TYK2: variants seen among roughly 807,000 people sequenced by gnomAD.
TYK2 encodes non-receptor tyrosine-protein kinase TYK2.
In TYK2, 65 loss-of-function variants were observed where a neutral mutation model predicts 130.9. That is an observed-to-expected ratio of 0.50 (90% CI 0.41 to 0.61). The LOEUF (loss-of-function observed/expected upper bound fraction) is 0.61. TYK2 is among the 20% of genes least tolerant of loss of function. The probability of loss-of-function intolerance (pLI) is 0.00; values close to 1 mark genes in which losing one functional copy is unlikely to be tolerated. For missense variants in TYK2, 1,378 were observed against 1,610.7 expected, an observed-to-expected ratio of 0.86 and a Z score of 2.47; for synonymous variants, 647 against 658.9, an observed-to-expected ratio of 0.98 and a Z score of 0.28.
Position 10,356,634 on chromosome 19 carries a change from A to G in TYK2, c.2551T>C (p.Tyr851His). 6.2e-7 allele frequency: 1 copy of G among 1,613,724 alleles called. No individual in the cohort carries two copies. Reference protein sequence around the residue: ...LATLTSQCLTYEPTQRPSFRT... With the variant: ...LATLTSQCLTHEPTQRPSFRT... ...AATGATGGCCTCTGGGTTGGCTCAT[A>G]GGTCAGACACTGGCTGGTGAGTGTG... Residue 851 changes from tyrosine (Y) to histidine (H), a missense_variant, in exon 18 of 25, where the codon TAT (tyrosine) becomes CAT (histidine). By Grantham distance (83) the Tyr-to-His change is moderately conservative. Coordinates refer to ENST00000525621, the MANE Select transcript of TYK2 (RefSeq NM_003331.5).
Position 10,361,609 on chromosome 19 carries a change from C to T in TYK2, c.1960-11G>A, listed in dbSNP as rs761206468. The T allele has an allele frequency of 4.8e-5, 75 of 1,548,946 alleles. 1 individual carries two copies. The highest frequency in any genetic ancestry group is 4.2e-4 in the South Asian group (36 of 84,800). ...TGTCTCGTAGAAGGCCTGTGGGGAC[C>T]GGGCAGGTCAGGTGGCTGCAAAGCC... On this transcript the variant is annotated splice_polypyrimidine_tract_variant and intron_variant, in intron 13 of 24. Coordinates refer to ENST00000525621, the MANE Select transcript of TYK2 (RefSeq NM_003331.5). This position sits in a 1 kb window ranked among gnomAD's most constrained non-coding sequence, Gnocchi z 4.0.
chr19:10,365,682 C>G lies in TYK2; in HGVS notation c.846G>C (p.Leu282=). 6.2e-7 allele frequency: 1 copy of G among 1,613,298 alleles called. No individual in the cohort carries two copies. Among genetic ancestry groups the G allele is most frequent in the South Asian group, 1.1e-5 (1 of 91,058 alleles). The stretch of plus-strand genomic sequence containing the variant: ...AGGGCTCCCCCTCGGCCTGGGCCAG[C>G]AGCCTCAGGTGGCACACGGGCACAC... ...TERVPVCHLR[L]LAQAEGEPCY... The change falls in exon 7 of 25, where the codon CTG becomes CTC. Residue 282 remains leucine, a synonymous_variant. Transcript: ENST00000525621.
chr19:10,359,323 T>TG (rs1360551752), intron 14 of TYK2, 21 bp from the exon 15 acceptor site: 1 of 1,608,086 alleles, frequency 6.2e-7, no homozygotes, highest in Non-Finnish European at 8.5e-7. Flanking sequence ...ACAGCTGCTC[T>TG]GGGGCAACCT....
Position 10,361,396 on chromosome 19 carries a change from T to C in TYK2, c.2047+115A>G, listed in dbSNP as rs1325054930. 1.9e-6 allele frequency: 2 copies of C among 1,028,592 alleles called. No homozygotes were observed. Among genetic ancestry groups the C allele is most frequent in the South Asian group, 1.4e-5 (1 of 73,012 alleles). 63.7% of individuals were successfully genotyped at this position (1,028,592 alleles called of 1,614,324 possible). On this transcript the variant is annotated intron_variant, in intron 14 of 24. Coordinates refer to ENST00000525621, the MANE Select transcript of TYK2 (RefSeq NM_003331.5). The surrounding 1 kb of genome is among the most constrained non-coding windows in gnomAD (Gnocchi z 4.0). Reference sequence around the variant, plus strand: ...CCCGGGATCAGAGTACAGGTGAGAGTTGAGAAATAGGCATAGGTTGGGGTG... The same window carrying C: ...CCCGGGATCAGAGTACAGGTGAGAGCTGAGAAATAGGCATAGGTTGGGGTG...
At chr19:10,358,252 G>A (rs575272862) in intron 15 of TYK2, 114 bp from the exon 16 acceptor site, 1 of 1,070,242 alleles carries the variant, frequency 9.3e-7, no homozygotes, top group South Asian at 1.8e-5. Context: ...ACTATCACTG[G>A]GTTTCTTTCT....
rs56305444 is a variant in TYK2 at position 10,365,344 on chromosome 19, G to T, written c.1011+173C>A. ...ACCCCAGAAATAAGGTCCCCAGGGG[G>T]TAAGCAGATGGAGGACCTTCTCCAA... On this transcript the variant is annotated intron_variant, in intron 7 of 24. Coordinates refer to ENST00000525621, the MANE Select transcript of TYK2 (RefSeq NM_003331.5). Among the ~76,000 whole-genome samples the T allele has an allele frequency of 2.6e-5, 4 of 152,292 alleles. No homozygotes were observed. The East Asian group carries it at 7.7e-4, about 29-fold the overall frequency.
In TYK2 at chr19:10,350,668, A is replaced by G; in HGVS notation, c.*166T>C. ...GATCATGGTTAGGCTCACGGCCAAGAAAGAAAAATAAGTTCACAGAGGTGG... is the reference window on the plus strand; with the variant it reads ...GATCATGGTTAGGCTCACGGCCAAGGAAGAAAAATAAGTTCACAGAGGTGG... On this transcript the variant is annotated 3_prime_UTR_variant, in exon 25 of 25. Transcript: ENST00000525621. 1.3e-6 allele frequency: 1 copy of G among 789,404 alleles called. No individual in the cohort carries two copies. The highest frequency in any genetic ancestry group is 2.0e-6 in the Non-Finnish European group (1 of 505,644). 48.9% of individuals were successfully genotyped at this position (789,404 alleles called of 1,614,324 possible). A position where few individuals can be genotyped will look rare whatever the true frequency, so the allele number is the denominator to read the frequency against.
rs925342176 is a variant in TYK2, at chr19:10,354,619, T to C, written c.2618-10A>G. The C allele has an allele frequency of 5.6e-6, 9 of 1,611,962 alleles. No individual in the cohort carries two copies. Among genetic ancestry groups the C allele is most frequent in the South Asian group, 3.3e-5 (3 of 91,012 alleles). ...AAGACGTCAGCAAGATCTGGAAGAGTTGCGGTGGGTAAAGGCCTGACCCCG... is the reference window on the plus strand; with the variant it reads ...AAGACGTCAGCAAGATCTGGAAGAGCTGCGGTGGGTAAAGGCCTGACCCCG... On this transcript the variant is annotated splice_polypyrimidine_tract_variant and intron_variant, in intron 18 of 24. Transcript: ENST00000525621.
chr19:10,367,919 CAAA>C (rs34301809), intron 5 of TYK2, 133 bp downstream of exon 5: 1,128 of 875,892 alleles, frequency 1.3e-3, no homozygotes, highest in Middle Eastern at 2.9e-3. Flanking sequence ...GACTCCGTCT[CAAA>C]AAAAAAAAAA....
chr19:10,377,400 GTGGATGGATGGATGGATGGA>G (rs766675211), intron 3 of TYK2, among the ~76,000 whole-genome samples: 1 of 105,342 alleles, frequency 9.5e-6, no homozygotes, highest in Non-Finnish European at 1.9e-5. Context: ...GGGTGGGTGG[GTGGATGGATGGATGGATGGA>G]TGGATGGATG....
chr19:10,356,739 A>G (rs760356637), intron 17 of TYK2, 21 bp from the exon 18 acceptor site: 1 of 1,588,348 alleles, frequency 6.3e-7, no homozygotes, highest in South Asian at 1.1e-5. Context: ...AGGGACCCAG[A>G]GGAGTCAACA....
chr19:10,352,915 C>T lies in TYK2; in HGVS notation c.3200+11G>A, dbSNP rs2040885202. 6.2e-7 allele frequency: 1 copy of T among 1,603,112 alleles called. No homozygotes were observed. The highest frequency in any genetic ancestry group is 8.5e-7 in the Non-Finnish European group (1 of 1,175,906). ...CCCAGCACCCCCTCAGACTGCACCC[C>T]GCCTGGTCACCAGAACACGGGGCTG... On this transcript the variant is annotated intron_variant, in intron 22 of 24. Coordinates refer to ENST00000525621, the MANE Select transcript of TYK2 (RefSeq NM_003331.5).
rs1057379414 is a variant in TYK2, at chr19:10,370,909, G to A, written c.194-2491C>T. Reference sequence around the variant, plus strand: ...TCCCAGCACTTTGGGAGGCTAAGGCGGGAGAATCACTTGAACCTAGGAGTT... The same window carrying A: ...TCCCAGCACTTTGGGAGGCTAAGGCAGGAGAATCACTTGAACCTAGGAGTT... On this transcript the variant is annotated intron_variant, in intron 3 of 24. Coordinates refer to ENST00000525621, the MANE Select transcript of TYK2 (RefSeq NM_003331.5). Among the ~76,000 whole-genome samples, 16 of 151,518 alleles carry A rather than the reference G, an allele frequency of 1.1e-4. No individual in the cohort carries two copies. In the South Asian group the frequency reaches 1.9e-3, roughly 18 times the overall value.
chr19:10,360,353 C>T (rs1383267472), intron 14 of TYK2, among the ~76,000 whole-genome samples: 1 of 151,752 alleles, frequency 6.6e-6, no homozygotes, highest in East Asian at 1.9e-4. Flanking sequence ...AAAAATCAGC[C>T]GGGTGTGATA....
Position 10,357,784 on chromosome 19 carries a change from G to A in TYK2, c.2446C>T (p.Gln816Ter). Residue 816 changes from glutamine to a stop codon, truncating the protein, a stop_gained, in exon 17 of 25, where the codon CAG becomes TAG. Coordinates refer to ENST00000525621, the MANE Select transcript of TYK2 (RefSeq NM_003331.5). LOFTEE classifies it high-confidence loss of function. The stretch of plus-strand genomic sequence containing the variant: ...CATACCTCGGAGGGACTGCGGCTCT[G>A]CAGAGGGGCCTCTCCGTCAAAGCAG... ...EICFDGEAPL[Q>*]SRSPSEKEHF... is the part of the protein sequence containing the mutation. 3 of 1,612,430 alleles carry A rather than the reference G, an allele frequency of 1.9e-6. No homozygotes were observed. The highest frequency in any genetic ancestry group is 2.5e-6 in the Non-Finnish European group (3 of 1,179,480).
rs1190382962 is a variant in TYK2 at position 10,361,442 on chromosome 19, A to G, written c.2047+69T>C. On this transcript the variant is annotated intron_variant, in intron 14 of 24. Coordinates refer to ENST00000525621, the MANE Select transcript of TYK2 (RefSeq NM_003331.5). This position sits in a 1 kb window ranked among gnomAD's most constrained non-coding sequence, Gnocchi z 4.0. ...GGGTGTAGGTCGAGGGTTGGGGTAC[A>G]GATCAGGGAGTGGGTATAAGTCAGG... The G allele has an allele frequency of 6.6e-6, 9 of 1,366,846 alleles. No homozygotes were observed. The highest frequency in any genetic ancestry group is 1.5e-5 in the African/African-American group (1 of 67,344). 84.7% of individuals were successfully genotyped at this position (1,366,846 alleles called of 1,614,324 possible).
intron 14 of TYK2, 55 bp from the exon 15 acceptor site, chr19:10,359,357 C>A (rs557418604): frequency 1.9e-6 from 3 of 1,594,812 alleles, no homozygotes; most frequent in East Asian, 2.2e-5. Context: ...CTCTGGATGG[C>A]GGGGAATTGG....
chr19:10,373,185 C>T (rs574986895), intron 3 of TYK2, among the ~76,000 whole-genome samples: 6 of 151,144 alleles, frequency 4.0e-5, no homozygotes, highest in Admixed American at 6.6e-5. Context: ...TACAGGCGCC[C>T]GCCACCACGC....
chr19:10,354,652 C>T (rs1356931600), intron 18 of TYK2, 43 bp from the exon 19 acceptor site: 2 of 1,512,348 alleles, frequency 1.3e-6, no homozygotes, highest in Admixed American at 3.3e-5. Flanking sequence ...CCGATCCTTT[C>T]CCCAGCAGGC....
Sources: gnomAD v4.1 joint callset for allele counts (sites outside exome capture counted in the v4.1 genomes callset) on GRCh38, gnomAD v4.1.1 for gene constraint, Gnocchi (gnomAD v3.1) non-coding constraint, MANE v1.5 for transcripts, NCBI Gene and HGNC (gene_info 2026-07-23, HGNC 2026-07-21) for gene names.